The following MCF2L2 variants were observed in gnomAD, a reference collection of about 807,000 sequenced individuals.
MCF2L2 encodes the protein MCF.2 cell line derived transforming sequence-like 2, also known as probable guanine nucleotide exchange factor MCF2L2.
In MCF2L2, 102 loss-of-function variants were observed where a neutral mutation model predicts 150.2. That is an observed-to-expected ratio of 0.68 (90% CI 0.58 to 0.80). The LOEUF (loss-of-function observed/expected upper bound fraction) is 0.80. MCF2L2 is among the 30% of genes least tolerant of loss of function. The pLI, the probability that MCF2L2 is intolerant of heterozygous loss-of-function variation, is 0.00. For missense variants in MCF2L2, 1,256 were observed against 1,372.8 expected (o/e 0.91, Z 1.34); for synonymous variants, 465 against 491.3 (o/e 0.95, Z 0.71).
At chr3:183,389,205 G>C (rs1033180218) in intron 2 of MCF2L2, among the ~76,000 whole-genome samples, 1 of 152,196 alleles carries the variant, frequency 6.6e-6, no homozygotes, top group South Asian at 2.1e-4. Context: ...TAGACTTTTA[G>C]TCAGAACAGC....
At chr3:183,365,238 A>T (rs1416237658) in intron 3 of MCF2L2, among the ~76,000 whole-genome samples, 1 of 152,258 alleles carries the variant, frequency 6.6e-6, no homozygotes, top group Non-Finnish European at 1.5e-5. Flanking sequence ...GGATGATTTT[A>T]ACACCAGAAA....
At chr3:183,413,967 C>T (rs1375016401) in intron 1 of MCF2L2, among the ~76,000 whole-genome samples, 1 of 152,104 alleles carries the variant, frequency 6.6e-6, no homozygotes, top group Non-Finnish European at 1.5e-5. Flanking sequence ...TATAAGTGGA[C>T]CCGTACAGTT....
intron 15 of MCF2L2, chr3:183,272,721 A>G (rs1726883855): frequency 1.9e-6 from 2 of 1,027,736 alleles, no homozygotes; most frequent in Non-Finnish European, 2.4e-6. Flanking sequence ...TGACCAAGCA[A>G]CAAGCTTATA....
intron 3 of MCF2L2, among the ~76,000 whole-genome samples, chr3:183,342,045 TGA>T (rs1730720808): frequency 6.6e-6 from 1 of 152,184 alleles, no homozygotes; most frequent in Non-Finnish European, 1.5e-5. Flanking sequence ...TAGAGCAGTC[TGA>T]GAGGGAGTAA....
At chr3:183,193,208 C>T (rs867725556) in intron 26 of MCF2L2, 112 bp from the exon 27 acceptor site, 14 of 820,802 alleles carry the variant, frequency 1.7e-5, no homozygotes, top group East Asian at 1.5e-4. Context: ...GTCTAGGTCT[C>T]GAGGACCTGC....
chr3:183,344,724 A>G (rs935175435), intron 3 of MCF2L2, among the ~76,000 whole-genome samples: 2 of 152,290 alleles, frequency 1.3e-5, no homozygotes. Flanking sequence ...ATAAAGGGAT[A>G]GAGGAATATT....
rs1017124708 is a variant in MCF2L2, at chr3:183,428,259, G to T, written c.-282C>A. 3 of 395,094 alleles carry T rather than the reference G, an allele frequency of 7.6e-6. No individual in the cohort carries two copies. Among genetic ancestry groups the T allele is most frequent in the Non-Finnish European group, 1.4e-5 (3 of 220,466 alleles). 24.5% of individuals were successfully genotyped at this position (395,094 alleles called of 1,614,324 possible). On this transcript the variant is annotated 5_prime_UTR_variant, in exon 1 of 30. Coordinates refer to ENST00000328913, the MANE Select transcript of MCF2L2 (RefSeq NM_015078.4). The surrounding 1 kb of genome is among the most constrained non-coding windows in gnomAD (Gnocchi z 5.1). ...CAAAAGGAAGCAAGTCGCCAATCTCGCCGGAACCGCGCCCCGGCTCCTCCG... is the reference window on the plus strand; with the variant it reads ...CAAAAGGAAGCAAGTCGCCAATCTCTCCGGAACCGCGCCCCGGCTCCTCCG...
At chr3:183,406,290 A>G (rs1267343209) in intron 1 of MCF2L2, among the ~76,000 whole-genome samples, 1 of 152,132 alleles carries the variant, frequency 6.6e-6, no homozygotes, top group African/African-American at 2.4e-5. Flanking sequence ...ACAGGTACAC[A>G]ATTTCACTGA....
At chr3:183,420,507 A>G (rs1715822935) in intron 1 of MCF2L2, among the ~76,000 whole-genome samples, 1 of 152,204 alleles carries the variant, frequency 6.6e-6, no homozygotes, top group Non-Finnish European at 1.5e-5. Flanking sequence ...CTGAGGCAGA[A>G]GAATCACTTG....
intron 26 of MCF2L2, among the ~76,000 whole-genome samples, chr3:183,194,240 C>A (rs1203321644): frequency 6.6e-6 from 1 of 152,140 alleles, no homozygotes; most frequent in Non-Finnish European, 1.5e-5. Context: ...ACTAAGCAGA[C>A]TACTGTATCA....
intron 27 of MCF2L2, among the ~76,000 whole-genome samples, chr3:183,186,444 G>A (rs1721698862): frequency 1.3e-5 from 2 of 152,122 alleles, no homozygotes; most frequent in South Asian, 4.1e-4. Flanking sequence ...TTTTTTGTAG[G>A]TCCAGTGCAG....
intron 3 of MCF2L2, among the ~76,000 whole-genome samples, chr3:183,345,579 C>T (rs980524908): frequency 2.0e-5 from 3 of 152,112 alleles, no homozygotes; most frequent in Non-Finnish European, 4.4e-5. Flanking sequence ...CAGAGCAGAA[C>T]TGAAGGAGAT....
At position 183,270,112 on chromosome 3, in the gene MCF2L2, C is replaced by T. The variant is rs761216902; in HGVS notation, c.1862+6760G>A. On this transcript the variant is annotated intron_variant, in intron 15 of 29. Transcript: ENST00000328913. This position sits in a 1 kb window ranked among gnomAD's most constrained non-coding sequence, Gnocchi z 4.5. ...GCTCCTGAAAACTATGATCGACGTT[C>T]CGGAATTAGAAGGACGTGGGGCAAT... 1 of 1,614,000 alleles carries T rather than the reference C, an allele frequency of 6.2e-7. No individual in the cohort carries two copies. Among genetic ancestry groups the T allele is most frequent in the East Asian group, 2.2e-5 (1 of 44,886 alleles).
rs1212053209 is a variant in MCF2L2, at chr3:183,181,357, C to G, written c.3017-1198G>C. 1.3e-5 allele frequency among the ~76,000 whole-genome samples: 2 copies of G among 152,074 alleles called. No individual in the cohort carries two copies. Among genetic ancestry groups the G allele is most frequent in the African/African-American group, 2.4e-5 (1 of 41,410 alleles). ...GCTGGGCAGCACCTCCCTGGAGGCCCCTCTGAAATCCTGCCTGACTCTGGC... is the reference window on the plus strand; with the variant it reads ...GCTGGGCAGCACCTCCCTGGAGGCCGCTCTGAAATCCTGCCTGACTCTGGC... On this transcript the variant is annotated intron_variant, in intron 27 of 29. Transcript: ENST00000328913. This position sits in a 1 kb window ranked among gnomAD's most constrained non-coding sequence, Gnocchi z 4.3.
chr3:183,324,675 A>G (rs1402396853), intron 5 of MCF2L2, among the ~76,000 whole-genome samples: 1 of 152,002 alleles, frequency 6.6e-6, no homozygotes, highest in Admixed American at 6.6e-5. Flanking sequence ...TGAGGCTCCA[A>G]TGAGCTGTGA....
At chr3:183,273,880 G>T (rs534312126) in intron 15 of MCF2L2, among the ~76,000 whole-genome samples, 1 of 152,092 alleles carries the variant, frequency 6.6e-6, no homozygotes, top group Admixed American at 6.6e-5. Flanking sequence ...GTTCTCGTAT[G>T]TATAACCTGG....
rs1207993115 is a variant in MCF2L2, at chr3:183,283,919, C to T, written c.1776+5201G>A. Among the ~76,000 whole-genome samples the T allele has an allele frequency of 1.3e-5, 2 of 152,164 alleles. No individual in the cohort carries two copies. Among genetic ancestry groups the T allele is most frequent in the Admixed American group, 1.3e-4 (2 of 15,274 alleles). ...TACTTTCTCTACCACATTATATATT[C>T]CTTTTACTGTAGAAACGTCATTCTG... On this transcript the variant is annotated intron_variant, in intron 14 of 29. Coordinates refer to ENST00000328913, the MANE Select transcript of MCF2L2 (RefSeq NM_015078.4). This position sits in a 1 kb window ranked among gnomAD's most constrained non-coding sequence, Gnocchi z 4.2.
At chr3:183,382,323 TG>T (rs1713579283) in intron 2 of MCF2L2, among the ~76,000 whole-genome samples, 2 of 152,284 alleles carry the variant, frequency 1.3e-5, no homozygotes, top group Admixed American at 1.3e-4. Context: ...CCTCCCTAAG[TG>T]CTGGGATTAC....
chr3:183,345,786 A>C lies in MCF2L2; in HGVS notation c.276-4156T>G, dbSNP rs184314764. Among the ~76,000 whole-genome samples, 597 of 152,330 alleles carry C rather than the reference A, an allele frequency of 3.9e-3. 3 individuals carry two copies. Among genetic ancestry groups the C allele is most frequent in the Non-Finnish European group, 4.6e-3 (314 of 68,028 alleles). ...ACAAACTACCATCAGAGAATACTATAAACACCTCTATGCAAATAAACTAGA... is the reference window on the plus strand; with the variant it reads ...ACAAACTACCATCAGAGAATACTATCAACACCTCTATGCAAATAAACTAGA... On this transcript the variant is annotated intron_variant, in intron 3 of 29. Transcript: ENST00000328913.
Sources: allele counts gnomAD v4.1 joint callset (sites outside exome capture counted in the v4.1 genomes callset), GRCh38; gene constraint gnomAD v4.1.1; non-coding constraint Gnocchi (gnomAD v3.1); transcripts MANE v1.5; gene names NCBI Gene and HGNC (gene_info 2026-07-23, HGNC 2026-07-21).